Variants in CTNNA3 observed in about 807,000 individuals in gnomAD.
CTNNA3 encodes the protein catenin alpha 3, also known as catenin alpha-3.
Under a neutral mutation model 95.7 loss-of-function variants are expected in CTNNA3, and 76 were observed. The ratio of observed to expected loss-of-function variants is 0.79; its 90% CI spans 0.66 to 0.96. The LOEUF is 0.96. CTNNA3 is among the 40% of genes least tolerant of loss of function. CTNNA3 has a pLI of 0.00. For synonymous variants in CTNNA3, 431 were observed against 374.4 expected (o/e 1.15, Z -1.74); for missense variants, 1,191 against 1,089.8 (o/e 1.09, Z -1.31).
chr10:65,988,783 A>C lies in CTNNA3; in HGVS notation c.2174T>G (p.Leu725Arg). Reference sequence around the variant, plus strand: ...ATAGATCACATCAGTTGTATGCTTTAGTGGTCCTTTGCCCCTGGAAAAAAA... The same window carrying C: ...ATAGATCACATCAGTTGTATGCTTTCGTGGTCCTTTGCCCCTGGAAAAAAA... ...MTDFTRGKGP[L>R]KHTTDVIYAA... is the part of the protein sequence containing the mutation. The change falls in exon 16 of 18, where the codon CTA (leucine) becomes CGA (arginine). Residue 725 changes from leucine to arginine, a missense_variant. Leu to Arg is a moderately radical substitution (Grantham distance 102). Transcript: ENST00000433211. 1 of 1,613,272 alleles carries C rather than the reference A, an allele frequency of 6.2e-7. No homozygotes were observed. The highest frequency in any genetic ancestry group is 1.1e-5 in the South Asian group (1 of 90,996).
At chr10:66,653,935 C>A (rs1000502919) in intron 9 of CTNNA3, among the ~76,000 whole-genome samples, 5 of 151,920 alleles carry the variant, frequency 3.3e-5, no homozygotes, top group Non-Finnish European at 7.4e-5. Flanking sequence ...TTTCACACAC[C>A]ATATGTAAAA....
intron 5 of CTNNA3, among the ~76,000 whole-genome samples, chr10:67,270,154 A>C (rs1211181053): frequency 6.6e-6 from 1 of 152,048 alleles, no homozygotes; most frequent in African/African-American, 2.4e-5. Context: ...AAAGCTGAAA[A>C]TACAGAACCT....
At chr10:66,276,160 T>A (rs1009049102) in intron 13 of CTNNA3, among the ~76,000 whole-genome samples, 3 of 152,122 alleles carry the variant, frequency 2.0e-5, no homozygotes, top group Admixed American at 2.0e-4. Context: ...CCCTGATATA[T>A]AGAGTTAGAA....
At chr10:66,475,161 T>C (rs1303760549) in intron 11 of CTNNA3, among the ~76,000 whole-genome samples, 3 of 151,986 alleles carry the variant, frequency 2.0e-5, no homozygotes, top group Non-Finnish European at 4.4e-5. Context: ...CATAAGGCAT[T>C]TGGAAAAGTA....
intron 17 of CTNNA3, among the ~76,000 whole-genome samples, chr10:65,942,010 T>G (rs1439975433): frequency 1.3e-5 from 2 of 152,228 alleles, no homozygotes; most frequent in Non-Finnish European, 2.9e-5. Flanking sequence ...TTTTGGTTTT[T>G]TGTTTGCTTA....
chr10:66,902,195 T>G (rs1845779747), intron 7 of CTNNA3, among the ~76,000 whole-genome samples: 1 of 152,150 alleles, frequency 6.6e-6, no homozygotes, highest in African/African-American at 2.4e-5. Context: ...CAGACCACAG[T>G]GCAATCAAAT....
chr10:67,249,086 A>G (rs1372403431), intron 5 of CTNNA3, among the ~76,000 whole-genome samples: 1 of 152,216 alleles, frequency 6.6e-6, no homozygotes, highest in African/African-American at 2.4e-5. Context: ...AAGAAAAGAT[A>G]GATAAATCAC....
chr10:66,342,990 A>G (rs181668320), intron 12 of CTNNA3, among the ~76,000 whole-genome samples: 2 of 152,246 alleles, frequency 1.3e-5, no homozygotes, highest in East Asian at 3.9e-4. Flanking sequence ...CATTTCACAT[A>G]TATGAATACT....
rs114417486 is a variant in CTNNA3 at position 67,081,309 on chromosome 10, A to G, written c.1047+99008T>C. ...ATATGAGAGTGACAAGCAGTGAAAT[A>G]TGTAGAAAAAGAAAGGACATGAGGA... On this transcript the variant is annotated intron_variant, in intron 7 of 17. Coordinates refer to ENST00000433211, the MANE Select transcript of CTNNA3 (RefSeq NM_013266.4). 9.2e-3 allele frequency among the ~76,000 whole-genome samples: 1,394 copies of G among 152,328 alleles called. 25 individuals are homozygous for G. The highest frequency in any genetic ancestry group is 0.032 in the African/African-American group (1,327 of 41,576).
intron 15 of CTNNA3, among the ~76,000 whole-genome samples, chr10:66,068,139 A>G (rs1435097734): frequency 1.3e-5 from 2 of 152,136 alleles, no homozygotes; most frequent in African/African-American, 4.8e-5. Flanking sequence ...TAGATTTAAA[A>G]TACATCTTAT....
At chr10:66,477,385 G>T (rs11817581) in intron 11 of CTNNA3, among the ~76,000 whole-genome samples, 51,295 of 151,874 alleles carry the variant, frequency 0.34, 10,215 homozygotes, top group Non-Finnish European at 0.43. Flanking sequence ...GGACAGAAGG[G>T]GTTGTTTTTG....
intron 5 of CTNNA3, among the ~76,000 whole-genome samples, chr10:67,458,834 C>G (rs1057060313): frequency 2.0e-5 from 3 of 152,110 alleles, no homozygotes; most frequent in African/African-American, 7.2e-5. Flanking sequence ...CCAGGTTCCT[C>G]GCTTAACATG....
At chr10:67,576,715 C>A (rs1187684346) in intron 3 of CTNNA3, among the ~76,000 whole-genome samples, 2 of 106,282 alleles carry the variant, frequency 1.9e-5, no homozygotes, top group African/African-American at 7.7e-5. Context: ...TCCCCCCACC[C>A]CACAACAGTC....
At chr10:66,172,375 T>A (rs1039096790) in intron 13 of CTNNA3, among the ~76,000 whole-genome samples, 1 of 152,160 alleles carries the variant, frequency 6.6e-6, no homozygotes, top group African/African-American at 2.4e-5. Context: ...CTCAATTAAC[T>A]CTCTGCCTGT....
intron 11 of CTNNA3, among the ~76,000 whole-genome samples, chr10:66,447,371 A>C (rs2093430666): frequency 7.1e-6 from 1 of 140,800 alleles, no homozygotes; most frequent in Non-Finnish European, 1.5e-5. Flanking sequence ...CGCCAAGTCA[A>C]TCCTAAGCCA....
At position 67,335,397 on chromosome 10, in the gene CTNNA3, C is replaced by T. The variant is rs561983611; in HGVS notation, c.580-115527G>A. Among the ~76,000 whole-genome samples, 116 of 152,244 alleles carry T rather than the reference C, an allele frequency of 7.6e-4. 1 individual carries two copies. The highest frequency in any genetic ancestry group is 2.7e-3 in the African/African-American group (112 of 41,544). ...TTATTGTAAAATAAATTTATTTTGA[C>T]ACCAAACAGTGGGGTCCAAAAGTGC... On this transcript the variant is annotated intron_variant, in intron 5 of 17. Coordinates refer to ENST00000433211, the MANE Select transcript of CTNNA3 (RefSeq NM_013266.4).
rs144482255 is a variant in CTNNA3, at chr10:67,011,072, G to A, written c.1047+169245C>T. ...AGGCCAGGCGCGGTGGCTCACGCCT[G>A]TAATCCCAGCACTTTGGGAGGCCAA... On this transcript the variant is annotated intron_variant, in intron 7 of 17. Coordinates refer to ENST00000433211, the MANE Select transcript of CTNNA3 (RefSeq NM_013266.4). Among the ~76,000 whole-genome samples the A allele has an allele frequency of 5.8e-3, 883 of 152,270 alleles. 10 individuals carry two copies. The highest frequency in any genetic ancestry group is 0.02 in the African/African-American group (840 of 41,554).
chr10:66,999,791 G>C (rs1000310845), intron 7 of CTNNA3, among the ~76,000 whole-genome samples: 2 of 152,152 alleles, frequency 1.3e-5, no homozygotes, highest in Non-Finnish European at 2.9e-5. Flanking sequence ...ATCACTGACA[G>C]ATTACTTGAC....
intron 13 of CTNNA3, among the ~76,000 whole-genome samples, chr10:66,225,238 C>A (rs564933180): frequency 2.0e-5 from 3 of 151,540 alleles, no homozygotes; most frequent in African/African-American, 7.3e-5. Flanking sequence ...ACAGTTTTCA[C>A]GGTTTACTTC....
Sources: allele counts gnomAD v4.1 joint callset (sites outside exome capture counted in the v4.1 genomes callset), GRCh38; gene constraint gnomAD v4.1.1; transcripts MANE v1.5; gene names NCBI Gene and HGNC (gene_info 2026-07-23, HGNC 2026-07-21).